The following ZZEF1 variants were observed in gnomAD, a reference collection of about 807,000 sequenced individuals.
The protein encoded by ZZEF1 is zinc finger ZZ-type and EF-hand domain-containing protein 1.
Under a neutral mutation model 342.8 loss-of-function variants are expected in ZZEF1, and 157 were observed. The ratio of observed to expected loss-of-function variants is 0.46; its 90% CI spans 0.40 to 0.52. ZZEF1 has a LOEUF of 0.52. ZZEF1 is among the 20% of genes least tolerant of loss of function. ZZEF1 has a pLI of 0.00. For synonymous variants in ZZEF1, 1,505 were observed against 1,429.1 expected (o/e 1.05, Z -1.20); for missense variants, 3,480 against 3,725.6 (o/e 0.93, Z 1.72).
At chr17:4,107,022 C>A (rs1227709704) in intron 6 of ZZEF1, among the ~76,000 whole-genome samples, 1 of 152,202 alleles carries the variant, frequency 6.6e-6, no homozygotes, top group East Asian at 1.9e-4. Context: ...CAGCTACACA[C>A]AGATGCAGCT....
At position 4,109,701 on chromosome 17, in the gene ZZEF1, G is replaced by C. The variant is rs1464630274; in HGVS notation, c.1229C>G (p.Ser410Cys). The part of the protein sequence containing the change: ...WSLLTSLVTA[S>C]METNPAFVQT... Reference sequence around the variant, plus strand: ...GACAAAGGCGGGATTTGTCTCCATAGAAGCCGTCACCAGAGATGTCAGCAG... The same window carrying C: ...GACAAAGGCGGGATTTGTCTCCATACAAGCCGTCACCAGAGATGTCAGCAG... The change falls in exon 6 of 55, where the codon TCT becomes TGT. Residue 410 changes from serine (S) to cysteine (C), a missense_variant. Physicochemically the swap from Ser to Cys is moderately radical, Grantham distance 112. Coordinates refer to ENST00000381638, the MANE Select transcript of ZZEF1 (RefSeq NM_015113.4). 1 of 1,614,036 alleles carries C rather than the reference G, an allele frequency of 6.2e-7. No individual in the cohort carries two copies. The highest frequency in any genetic ancestry group is 8.5e-7 in the Non-Finnish European group (1 of 1,180,040).
intron 1 of ZZEF1, among the ~76,000 whole-genome samples, chr17:4,133,349 C>T (rs1254761137): frequency 6.6e-6 from 1 of 152,208 alleles, no homozygotes; most frequent in Non-Finnish European, 1.5e-5. Flanking sequence ...TGAGGTCACA[C>T]AGCTAGTGTT....
At chr17:4,093,174 ACAG>A (rs1319036877) in intron 11 of ZZEF1, among the ~76,000 whole-genome samples, 1 of 152,196 alleles carries the variant, frequency 6.6e-6, no homozygotes, top group Non-Finnish European at 1.5e-5. Context: ...ACCTTGTTTA[ACAG>A]CAGGTTTAGG....
At chr17:4,039,576 T>C (rs925041308) in intron 39 of ZZEF1, among the ~76,000 whole-genome samples, 1 of 151,104 alleles carries the variant, frequency 6.6e-6, no homozygotes, top group African/African-American at 2.4e-5. Flanking sequence ...TTTCCTTAGC[T>C]GAAGTAAAAA....
chr17:4,037,177 T>A (rs745761185), intron 39 of ZZEF1, among the ~76,000 whole-genome samples: 1 of 152,196 alleles, frequency 6.6e-6, no homozygotes, highest in South Asian at 2.1e-4. Context: ...AATTGTTTGA[T>A]GAGAAACAGG....
chr17:4,116,910 C>T lies in ZZEF1; in HGVS notation c.694+62G>A, dbSNP rs1315999492. On this transcript the variant is annotated intron_variant, in intron 3 of 54. Transcript: ENST00000381638. ...CAGGGAAAAGAATTGGCTCATTTTA[C>T]CAACACAACAGTTAGAAGAAATGAT... 3 of 1,463,338 alleles carry T rather than the reference C, an allele frequency of 2.1e-6. No homozygotes were observed. The East Asian group carries it at 7.4e-5, about 36-fold the overall frequency. The allele number at this position is 1,463,338 out of a possible 1,614,324, so 90.6% of individuals were successfully genotyped here.
intron 52 of ZZEF1, among the ~76,000 whole-genome samples, chr17:4,010,995 G>A (rs1333796924): frequency 6.6e-6 from 1 of 151,884 alleles, no homozygotes; most frequent in East Asian, 1.9e-4. Context: ...AGGCTGAGGT[G>A]GAAGGATCAC....
At chr17:4,077,716 A>T (rs781328338) in intron 19 of ZZEF1, among the ~76,000 whole-genome samples, 167 bp downstream of exon 19, 5 of 152,242 alleles carry the variant, frequency 3.3e-5, no homozygotes. Flanking sequence ...CTAGACAAAA[A>T]GACATGCTGT....
intron 52 of ZZEF1, among the ~76,000 whole-genome samples, chr17:4,012,554 C>T (rs2055991249): frequency 6.6e-6 from 1 of 152,190 alleles, no homozygotes; most frequent in Non-Finnish European, 1.5e-5. Context: ...GGGGGCCAGG[C>T]AGACAGACAA....
At chr17:4,076,524 C>A in intron 21 of ZZEF1, 113 bp downstream of exon 21, 1 of 1,377,576 alleles carries the variant, frequency 7.3e-7, no homozygotes, top group Admixed American at 2.3e-5. Flanking sequence ...TCAAGGGAGC[C>A]TTCTAGAGGC....
chr17:4,055,088 C>G (rs1023958303), intron 33 of ZZEF1, among the ~76,000 whole-genome samples: 3 of 152,186 alleles, frequency 2.0e-5, no homozygotes, highest in Non-Finnish European at 4.4e-5. Context: ...CAGGGATAGT[C>G]TGGGTACTGT....
chr17:4,054,095 T>C lies in ZZEF1; in HGVS notation c.5396A>G (p.Gln1799Arg). ...IAPWHRYRCL[Q>R]CSDMDLCKTC... The stretch of plus-strand genomic sequence containing the variant: ...TTTGCAGAGATCCATGTCGCTGCAC[T>C]GCAGACAGCGGTATCGATGCCAGGG... The change falls in exon 34 of 55, where the codon CAG (glutamine) becomes CGG (arginine). Residue 1799 changes from glutamine to arginine, a missense_variant. Coordinates refer to ENST00000381638, the MANE Select transcript of ZZEF1 (RefSeq NM_015113.4). 1 of 1,613,862 alleles carries C rather than the reference T, an allele frequency of 6.2e-7. No individual in the cohort carries two copies. Among genetic ancestry groups the C allele is most frequent in the African/African-American group, 1.3e-5 (1 of 75,070 alleles).
At chr17:4,064,329 A>G in intron 29 of ZZEF1, 32 bp downstream of exon 29, 1 of 1,525,760 alleles carries the variant, frequency 6.6e-7, no homozygotes. Flanking sequence ...GCTTAAAAAG[A>G]GAAAGCGACA....
intron 40 of ZZEF1, chr17:4,033,496 C>T (rs776543602): frequency 4.8e-5 from 8 of 165,214 alleles, no homozygotes; most frequent in South Asian, 3.1e-4. Context: ...TACAGGCACA[C>T]GCCACCATGT....
At chr17:4,093,904 T>C (rs922019838) in intron 11 of ZZEF1, among the ~76,000 whole-genome samples, 1 of 152,212 alleles carries the variant, frequency 6.6e-6, no homozygotes, top group Non-Finnish European at 1.5e-5. Flanking sequence ...GATCCACTTT[T>C]AGACTTTACC....
chr17:4,023,806 T>C (rs1470173847), intron 43 of ZZEF1, among the ~76,000 whole-genome samples: 1 of 152,174 alleles, frequency 6.6e-6, no homozygotes, highest in Non-Finnish European at 1.5e-5. Flanking sequence ...TACTCCAGCC[T>C]GGGCAACAGA....
At chr17:4,083,445 T>A (rs560129002) in intron 16 of ZZEF1, among the ~76,000 whole-genome samples, 4 of 152,050 alleles carry the variant, frequency 2.6e-5, no homozygotes, top group Admixed American at 1.3e-4. Context: ...CAGGCTGATA[T>A]GCAAATTTTA....
chr17:4,087,529 C>T lies in ZZEF1; in HGVS notation c.2247G>A (p.Gln749=), dbSNP rs2145365260. 1 of 1,604,326 alleles carries T rather than the reference C, an allele frequency of 6.2e-7. No homozygotes were observed. The highest frequency in any genetic ancestry group is 2.2e-5 in the East Asian group (1 of 44,772). Residue 749 remains glutamine (Q), a synonymous_variant, in exon 14 of 55, where the codon CAG becomes CAA. Coordinates refer to ENST00000381638, the MANE Select transcript of ZZEF1 (RefSeq NM_015113.4). ...FIQQLAHDLV[Q]QKESGLKYKS... ...TATATTTTAAGCCACTTTCCTTCTG[C>T]TGCACCTAAAAAATTATAAAGATCA...
rs753801617 is a variant in ZZEF1 at position 4,042,429 on chromosome 17, C to T, written c.6306G>A (p.Ser2102=). 7 of 1,608,700 alleles carry T rather than the reference C, an allele frequency of 4.4e-6. No individual in the cohort carries two copies. The highest frequency in any genetic ancestry group is 3.4e-5 in the Admixed American group (2 of 58,438). The change falls in exon 39 of 55, where the codon TCG becomes TCA. Residue 2102 remains serine, a splice_region_variant and synonymous_variant. Coordinates refer to ENST00000381638, the MANE Select transcript of ZZEF1 (RefSeq NM_015113.4). ...ACTTTTAAAAATAAATTGCCCTTAC[C>T]GACTTTAAGGGAGGTAACATGGCTG... The part of the protein sequence containing the change: ...LLAAMLPPLK[S]GPTVPLIDLE...
Sources: allele counts gnomAD v4.1 joint callset (sites outside exome capture counted in the v4.1 genomes callset), GRCh38; gene constraint gnomAD v4.1.1; transcripts MANE v1.5; gene names NCBI Gene and HGNC (gene_info 2026-07-23, HGNC 2026-07-21).